The following NRXN3 variants were observed in gnomAD, a reference collection of about 807,000 sequenced individuals.
NRXN3 encodes neurexin III.
In NRXN3, 32 loss-of-function variants were observed where a neutral mutation model predicts 137.6. The ratio of observed to expected loss-of-function variants is 0.23; its 90% confidence interval spans 0.18 to 0.31. The LOEUF (loss-of-function observed/expected upper bound fraction) is 0.31. NRXN3 is among the 10% of genes least tolerant of loss of function. NRXN3 has a pLI of 1.00. For missense variants in NRXN3, 1,574 were observed against 2,062.5 expected, an observed-to-expected ratio of 0.76 and a Z score of 4.59; for synonymous variants, 798 against 784.5, an observed-to-expected ratio of 1.02 and a Z score of -0.29.
At chr14:78,729,661 C>T (rs1463316678) in intron 8 of NRXN3, among the ~76,000 whole-genome samples, 3 of 152,180 alleles carry the variant, frequency 2.0e-5, no homozygotes, top group African/African-American at 7.2e-5. Flanking sequence ...AATACCCTAA[C>T]TCATACCTGC....
intron 10 of NRXN3, among the ~76,000 whole-genome samples, chr14:78,931,193 A>T (rs1032817760): frequency 6.6e-6 from 1 of 152,178 alleles, no homozygotes; most frequent in Non-Finnish European, 1.5e-5. Flanking sequence ...TTTGTAATTT[A>T]ACAGATTATT....
At chr14:79,386,495 A>G (rs896920362) in intron 15 of NRXN3, among the ~76,000 whole-genome samples, 3 of 152,190 alleles carry the variant, frequency 2.0e-5, no homozygotes, top group Non-Finnish European at 4.4e-5. Context: ...ATGGGTAGGA[A>G]GAATCAATAT....
Position 78,649,870 on chromosome 14 carries a change from G to T in NRXN3, c.1060-1295G>T, listed in dbSNP as rs527806109. Among the ~76,000 whole-genome samples, 16 of 152,112 alleles carry T rather than the reference G, an allele frequency of 1.1e-4. No individual in the cohort carries two copies. In the South Asian group the frequency reaches 3.1e-3, roughly 30 times the overall value. On this transcript the variant is annotated intron_variant, in intron 5 of 20. Coordinates refer to ENST00000335750, the MANE Select transcript of NRXN3 (RefSeq NM_001330195.2). ...TTTACTCCCCTACCGTGGCCAAAAGGATATCCACCAATTATGTTCTCCATA... is the reference window on the plus strand; with the variant it reads ...TTTACTCCCCTACCGTGGCCAAAAGTATATCCACCAATTATGTTCTCCATA...
intron 4 of NRXN3, among the ~76,000 whole-genome samples, chr14:78,336,997 T>C (rs2081551362): frequency 1.3e-5 from 2 of 152,212 alleles, no homozygotes. Flanking sequence ...TTCTAGAATT[T>C]CTAATTTTTT....
At chr14:79,760,687 C>T (rs142709920) in intron 19 of NRXN3, 10 of 151,430 alleles carry the variant, frequency 6.6e-5, no homozygotes, top group East Asian at 5.8e-4. Flanking sequence ...TGGTTGAGTT[C>T]ACTTCCTTCC....
At chr14:79,432,465 A>G (rs1045061534) in intron 15 of NRXN3, among the ~76,000 whole-genome samples, 6 of 152,166 alleles carry the variant, frequency 3.9e-5, no homozygotes, top group African/African-American at 1.4e-4. Context: ...AGGCGCTTCT[A>G]TGATTGTTCC....
chr14:79,099,600 C>A (rs2050914120), intron 15 of NRXN3, among the ~76,000 whole-genome samples: 1 of 152,052 alleles, frequency 6.6e-6, no homozygotes, highest in African/African-American at 2.4e-5. Flanking sequence ...TATTTAGGAT[C>A]ATAAAAAATT....
At chr14:78,918,153 C>T (rs889265816) in intron 10 of NRXN3, among the ~76,000 whole-genome samples, 9 of 151,186 alleles carry the variant, frequency 6.0e-5, no homozygotes, top group Non-Finnish European at 1.2e-4. Context: ...GGCGTGGTGG[C>T]GCATGCCCGT....
chr14:79,387,807 A>T (rs2094687298), intron 15 of NRXN3, among the ~76,000 whole-genome samples: 1 of 152,008 alleles, frequency 6.6e-6, no homozygotes, highest in Admixed American at 6.5e-5. Flanking sequence ...CTTTGTAGCG[A>T]CATGGATGAA....
chr14:79,127,388 A>G (rs1216330300), intron 15 of NRXN3, among the ~76,000 whole-genome samples: 1 of 152,040 alleles, frequency 6.6e-6, no homozygotes, highest in Non-Finnish European at 1.5e-5. Flanking sequence ...TCAGCTTTCT[A>G]CATATGGCTA....
intron 15 of NRXN3, among the ~76,000 whole-genome samples, chr14:79,119,131 G>T (rs535792015): frequency 6.6e-6 from 1 of 152,048 alleles, no homozygotes; most frequent in Non-Finnish European, 1.5e-5. Flanking sequence ...TTTAGTATGG[G>T]TGATTTCTCA....
intron 4 of NRXN3, among the ~76,000 whole-genome samples, chr14:78,414,263 T>G (rs910634986): frequency 6.6e-6 from 1 of 151,160 alleles, no homozygotes; most frequent in African/African-American, 2.4e-5. Flanking sequence ...GTGTGTAAGG[T>G]GTAAGTGTAG....
At chr14:79,462,986 C>T (rs895926006) in intron 15 of NRXN3, among the ~76,000 whole-genome samples, 1 of 147,390 alleles carries the variant, frequency 6.8e-6, no homozygotes, top group African/African-American at 2.6e-5. Flanking sequence ...TGTTGATAGT[C>T]TCCCAGAAAA....
intron 4 of NRXN3, among the ~76,000 whole-genome samples, chr14:78,465,263 C>T (rs1329751388): frequency 6.6e-6 from 1 of 151,888 alleles, no homozygotes; most frequent in Non-Finnish European, 1.5e-5. Flanking sequence ...AAAAAGCACC[C>T]TGGAAATTGT....
chr14:79,851,522 C>A (rs766805469), intron 20 of NRXN3, among the ~76,000 whole-genome samples: 16 of 152,032 alleles, frequency 1.1e-4, no homozygotes, highest in Non-Finnish European at 1.6e-4. Context: ...AAAGGGGCGT[C>A]CCATAGCGGG....
chr14:79,102,134 C>T (rs2051440488), intron 15 of NRXN3, among the ~76,000 whole-genome samples: 1 of 152,078 alleles, frequency 6.6e-6, no homozygotes, highest in Non-Finnish European at 1.5e-5. Context: ...AAATAAATTT[C>T]TGTTGTTTTA....
At chr14:78,299,026 T>C (rs537249139) in intron 4 of NRXN3, among the ~76,000 whole-genome samples, 2 of 152,286 alleles carry the variant, frequency 1.3e-5, no homozygotes, top group Admixed American at 1.3e-4. Context: ...GTCGAGGGCA[T>C]CCTGAACTGA....
At chr14:79,293,490 G>A (rs1018724563) in intron 15 of NRXN3, among the ~76,000 whole-genome samples, 2 of 152,222 alleles carry the variant, frequency 1.3e-5, no homozygotes, top group African/African-American at 2.4e-5. Flanking sequence ...TCAAATTAGA[G>A]GCAAGGCGAG....
intron 4 of NRXN3, among the ~76,000 whole-genome samples, chr14:78,494,069 A>G (rs1169842356): frequency 6.6e-6 from 1 of 152,204 alleles, no homozygotes; most frequent in Non-Finnish European, 1.5e-5. Context: ...CATTTTAAAG[A>G]GACTGCTGCC....
Sources: allele counts gnomAD v4.1 joint callset (sites outside exome capture counted in the v4.1 genomes callset), GRCh38; gene constraint gnomAD v4.1.1; transcripts MANE v1.5; gene names NCBI Gene and HGNC (gene_info 2026-07-23, HGNC 2026-07-21).